The following PACRG variants were observed in gnomAD, a reference collection of about 807,000 sequenced individuals.
PACRG encodes parkin coregulated, also known as parkin coregulated gene protein.
A neutral mutation model predicts 29.7 loss-of-function variants in PACRG; 29 were observed. That is an observed-to-expected ratio of 0.98 (90% CI 0.73 to 1.33). The LOEUF is 1.33. Among genes scored for constraint, PACRG ranks in the 40% most tolerant of loss-of-function variants. The probability of loss-of-function intolerance (pLI) is 0.00; values close to 1 mark genes in which losing one functional copy is unlikely to be tolerated. For missense variants in PACRG, 279 were observed against 316.2 expected (o/e 0.88, Z 0.89); for synonymous variants, 116 against 118.7 (o/e 0.98, Z 0.15).
rs565141807 is a variant in PACRG at position 163,288,919 on chromosome 6, G to A, written c.614-25908G>A. 3.7e-4 allele frequency among the ~76,000 whole-genome samples: 56 copies of A among 152,222 alleles called. 2 individuals are homozygous for A. The South Asian group carries it at 0.011, about 29-fold the overall frequency. On this transcript the variant is annotated intron_variant, in intron 4 of 4. Transcript: ENST00000366888. The stretch of plus-strand genomic sequence containing the variant: ...CTTCAGGAGGGACTTATTCAGATGC[G>A]GCCCTTCCTTAGTGCAATTAACTGT...
chr6:163,040,411 T>G (rs1031449964), intron 2 of PACRG, among the ~76,000 whole-genome samples: 2 of 152,220 alleles, frequency 1.3e-5, no homozygotes, highest in African/African-American at 4.8e-5. Flanking sequence ...GGAGCCCCCA[T>G]ACAGAGTCCC....
At chr6:163,127,260 C>G (rs1361343253) in intron 4 of PACRG, among the ~76,000 whole-genome samples, 1 of 152,190 alleles carries the variant, frequency 6.6e-6, no homozygotes, top group Non-Finnish European at 1.5e-5. Context: ...ATATTTCAGA[C>G]AAGTATTGTT....
intron 4 of PACRG, among the ~76,000 whole-genome samples, chr6:163,097,045 G>A (rs1233799264): frequency 6.6e-6 from 1 of 152,034 alleles, no homozygotes; most frequent in Non-Finnish European, 1.5e-5. Flanking sequence ...TTCCTTCCTT[G>A]GCCCTCTCAC....
chr6:163,069,406 G>C (rs1353049606), intron 3 of PACRG, among the ~76,000 whole-genome samples: 1 of 151,706 alleles, frequency 6.6e-6, no homozygotes, highest in African/African-American at 2.4e-5. Flanking sequence ...AGATATTCAA[G>C]ATGACACAGA....
At chr6:162,728,888 C>T (rs1157740543) in intron 1 of PACRG, among the ~76,000 whole-genome samples, 1 of 152,060 alleles carries the variant, frequency 6.6e-6, no homozygotes, top group Non-Finnish European at 1.5e-5. Flanking sequence ...GCTCTAACAA[C>T]ACTTGTCTCT....
At chr6:163,310,300 GAC>G (rs891572702) in intron 4 of PACRG, 3 of 152,248 alleles carry the variant, frequency 2.0e-5, no homozygotes, top group Admixed American at 2.0e-4. Flanking sequence ...CGCCACGGGG[GAC>G]ACACAGCGCG....
chr6:163,235,199 G>A (rs1415323630), intron 4 of PACRG, among the ~76,000 whole-genome samples: 6 of 152,076 alleles, frequency 3.9e-5, no homozygotes, highest in African/African-American at 9.7e-5. Flanking sequence ...CAGTTCAGAC[G>A]CACCACATTT....
At chr6:162,881,168 T>A (rs1448374401) in intron 2 of PACRG, among the ~76,000 whole-genome samples, 1 of 152,154 alleles carries the variant, frequency 6.6e-6, no homozygotes, top group African/African-American at 2.4e-5. Flanking sequence ...ATTTTGCCTA[T>A]TGGAAGTGTT....
chr6:163,067,425 A>C (rs145659825), intron 3 of PACRG, among the ~76,000 whole-genome samples: 129 of 152,338 alleles, frequency 8.5e-4, no homozygotes, highest in African/African-American at 3.0e-3. Flanking sequence ...GAGATACTGC[A>C]TTGTTCATAA....
At chr6:163,162,149 G>A (rs1267929295) in intron 4 of PACRG, among the ~76,000 whole-genome samples, 1 of 152,194 alleles carries the variant, frequency 6.6e-6, no homozygotes, top group Non-Finnish European at 1.5e-5. Flanking sequence ...TAACCCGCCA[G>A]CTGCCAGGGC....
chr6:162,972,683 C>G (rs113870823), intron 2 of PACRG, among the ~76,000 whole-genome samples: 3 of 152,230 alleles, frequency 2.0e-5, no homozygotes, highest in African/African-American at 7.2e-5. Flanking sequence ...TATTGAAAGA[C>G]GAGAAGATCC....
chr6:162,852,697 A>G (rs1019756390), intron 2 of PACRG, among the ~76,000 whole-genome samples: 1 of 152,202 alleles, frequency 6.6e-6, no homozygotes, highest in African/African-American at 2.4e-5. Context: ...TTTCGAGCCT[A>G]TGTTTTATTT....
chr6:162,921,875 T>G (rs1797089629), intron 2 of PACRG, among the ~76,000 whole-genome samples: 1 of 152,104 alleles, frequency 6.6e-6, no homozygotes, highest in East Asian at 1.9e-4. Flanking sequence ...ACAGTACACT[T>G]TGAAAGATGA....
At chr6:162,782,881 ACAT>A (rs1784196942) in intron 1 of PACRG, among the ~76,000 whole-genome samples, 1 of 151,914 alleles carries the variant, frequency 6.6e-6, no homozygotes, top group South Asian at 2.1e-4. Flanking sequence ...AAATATTCTA[ACAT>A]AATTCTTACA....
chr6:163,243,300 G>A (rs752064920), intron 4 of PACRG, among the ~76,000 whole-genome samples: 2 of 152,210 alleles, frequency 1.3e-5, no homozygotes, highest in African/African-American at 2.4e-5. Flanking sequence ...GAAGTTCCAC[G>A]GGGAAAGGGG....
intron 4 of PACRG, among the ~76,000 whole-genome samples, chr6:163,277,609 CTA>C (rs1435607100): frequency 7.0e-6 from 1 of 143,574 alleles, no homozygotes; most frequent in African/African-American, 2.7e-5. Flanking sequence ...CATACTTTGT[CTA>C]TATATGTATA....
chr6:163,092,118 A>G (rs1262977485), intron 4 of PACRG, among the ~76,000 whole-genome samples: 1 of 152,250 alleles, frequency 6.6e-6, no homozygotes, highest in Non-Finnish European at 1.5e-5. Context: ...AATGACAAAA[A>G]AGAATGAGAG....
chr6:162,872,100 T>C (rs951912006), intron 2 of PACRG, among the ~76,000 whole-genome samples: 4 of 152,192 alleles, frequency 2.6e-5, no homozygotes, highest in African/African-American at 7.2e-5. Context: ...TTCCATCTTA[T>C]AGATAAGGAG....
chr6:163,051,446 G>A (rs969295225), intron 2 of PACRG: 1 of 151,952 alleles, frequency 6.6e-6, no homozygotes, highest in Non-Finnish European at 1.5e-5. Context: ...GGCCCCAAGG[G>A]TTTCCTTTTC....
Sources: gnomAD v4.1 joint callset for allele counts (sites outside exome capture counted in the v4.1 genomes callset) on GRCh38, gnomAD v4.1.1 for gene constraint, MANE v1.5 for transcripts, NCBI Gene and HGNC (gene_info 2026-07-23, HGNC 2026-07-21) for gene names.